The following PLA2G4A variants were observed in gnomAD, a reference collection of about 807,000 sequenced individuals.
PLA2G4A encodes cytosolic phospholipase A2.
Under a neutral mutation model 81.9 loss-of-function variants are expected in PLA2G4A, and 40 were observed. The ratio of observed to expected loss-of-function variants is 0.49; its 90% confidence interval spans 0.38 to 0.64. The LOEUF (loss-of-function observed/expected upper bound fraction) is 0.64, where lower values mean the gene tolerates loss of function less well. PLA2G4A is among the 30% of genes least tolerant of loss of function. The pLI is 0.00. For synonymous variants in PLA2G4A, 302 were observed against 296.9 expected (o/e 1.02, Z -0.18); for missense variants, 715 against 905.1 (o/e 0.79, Z 2.69).
intron 15 of PLA2G4A, among the ~76,000 whole-genome samples, chr1:186,976,153 A>G (rs1253167096): frequency 6.6e-6 from 1 of 152,220 alleles, no homozygotes; most frequent in Non-Finnish European, 1.5e-5. Flanking sequence ...TATAAATCCC[A>G]TAACAACAAA....
At chr1:186,925,897 A>G (rs1467754299) in intron 7 of PLA2G4A, among the ~76,000 whole-genome samples, 2 of 152,160 alleles carry the variant, frequency 1.3e-5, no homozygotes, top group Non-Finnish European at 2.9e-5. Context: ...CTATATTTCA[A>G]CCACCTAGCA....
chr1:186,872,259 AT>A (rs1477399334), intron 3 of PLA2G4A, among the ~76,000 whole-genome samples: 1 of 152,030 alleles, frequency 6.6e-6, no homozygotes, highest in African/African-American at 2.4e-5. Context: ...ACCATTTTAA[AT>A]GAGAATTTAC....
At chr1:186,890,936 T>G (rs1004538818) in intron 3 of PLA2G4A, among the ~76,000 whole-genome samples, 6 of 151,890 alleles carry the variant, frequency 4.0e-5, no homozygotes, top group Admixed American at 6.6e-5. Flanking sequence ...AATAAATACA[T>G]GTTGATTTTT....
intron 17 of PLA2G4A, among the ~76,000 whole-genome samples, chr1:186,987,412 C>T (rs940784136): frequency 6.6e-6 from 1 of 152,206 alleles, no homozygotes; most frequent in Non-Finnish European, 1.5e-5. Context: ...GCTTAACAAT[C>T]CCTGAGGTAG....
intron 1 of PLA2G4A, among the ~76,000 whole-genome samples, chr1:186,848,956 A>T (rs947715606): frequency 2.0e-5 from 3 of 152,144 alleles, no homozygotes; most frequent in Admixed American, 6.6e-5. Context: ...AGGAAATAAA[A>T]TTGCTGACAT....
chr1:186,894,712 A>G (rs1280772427), intron 5 of PLA2G4A, among the ~76,000 whole-genome samples: 1 of 152,218 alleles, frequency 6.6e-6, no homozygotes, highest in African/African-American at 2.4e-5. Context: ...CAAAGCAGTG[A>G]AAGGCCAAAA....
intron 1 of PLA2G4A, among the ~76,000 whole-genome samples, chr1:186,853,404 A>T (rs1652444926): frequency 6.6e-6 from 1 of 151,882 alleles, no homozygotes; most frequent in African/African-American, 2.4e-5. Flanking sequence ...TGTTTGTGAC[A>T]ATGAGCAGGA....
intron 7 of PLA2G4A, among the ~76,000 whole-genome samples, chr1:186,915,996 T>C (rs1376182082): frequency 6.6e-6 from 1 of 152,110 alleles, no homozygotes; most frequent in African/African-American, 2.4e-5. Context: ...TCCATGGCCA[T>C]TGATATCCTG....
At chr1:186,892,119 C>T (rs1654164373) in intron 3 of PLA2G4A, among the ~76,000 whole-genome samples, 1 of 152,080 alleles carries the variant, frequency 6.6e-6, no homozygotes, top group Admixed American at 6.6e-5. Flanking sequence ...AAATCATTTG[C>T]TCATTTTGTT....
intron 1 of PLA2G4A, among the ~76,000 whole-genome samples, chr1:186,845,853 G>T (rs1571328403): frequency 1.3e-5 from 2 of 152,232 alleles, no homozygotes; most frequent in Middle Eastern, 6.8e-3. Flanking sequence ...GGAAGTATCT[G>T]TTGAAAAGTC....
At chr1:186,896,823 G>T (rs1157959943) in intron 5 of PLA2G4A, among the ~76,000 whole-genome samples, 2 of 152,124 alleles carry the variant, frequency 1.3e-5, no homozygotes, top group Non-Finnish European at 2.9e-5. Context: ...TTATCTGAAT[G>T]ATAATCCTTT....
At chr1:186,904,331 C>G (rs760723339) in intron 5 of PLA2G4A, among the ~76,000 whole-genome samples, 23 of 152,066 alleles carry the variant, frequency 1.5e-4, no homozygotes, top group Non-Finnish European at 2.4e-4. Context: ...TTCTAATTGC[C>G]CTAATAATAC....
intron 2 of PLA2G4A, among the ~76,000 whole-genome samples, chr1:186,858,000 C>G (rs1420617472): frequency 6.6e-6 from 1 of 152,126 alleles, no homozygotes; most frequent in Non-Finnish European, 1.5e-5. Flanking sequence ...TCCAGTCTAT[C>G]ATTCATTGGT....
At chr1:186,829,921 C>A (rs1651487553) in intron 1 of PLA2G4A, among the ~76,000 whole-genome samples, 1 of 152,178 alleles carries the variant, frequency 6.6e-6, no homozygotes, top group Admixed American at 6.5e-5. Context: ...GGCGTACTGT[C>A]TGAATGGGTG....
chr1:186,938,955 A>T, intron 8 of PLA2G4A, 53 bp from the exon 9 acceptor site: 1 of 927,604 alleles, frequency 1.1e-6, no homozygotes, highest in Non-Finnish European at 1.8e-6. Context: ...TTCTTTGGAG[A>T]CTGTTGTGTA....
chr1:186,841,938 C>A (rs1651995742), intron 1 of PLA2G4A, among the ~76,000 whole-genome samples: 1 of 151,726 alleles, frequency 6.6e-6, no homozygotes, highest in African/African-American at 2.4e-5. Context: ...TGAGGGGTTG[C>A]GGGGAGCTTT....
At chr1:186,927,928 C>T (rs563227029) in intron 7 of PLA2G4A, among the ~76,000 whole-genome samples, 32 of 152,238 alleles carry the variant, frequency 2.1e-4, no homozygotes, top group African/African-American at 7.2e-4. Context: ...CTGACAATGG[C>T]ACTTTGTGCT....
In PLA2G4A at chr1:186,829,573, G is replaced by C. The variant is rs61812923; in HGVS notation, c.-70+538G>C. Among the ~76,000 whole-genome samples, 979 of 152,096 alleles carry C rather than the reference G, an allele frequency of 6.4e-3. 7 individuals are homozygous for C. Among genetic ancestry groups the C allele is most frequent in the South Asian group, 0.025 (121 of 4,820 alleles). ...AAAGAGGATTATTGAAAAATTAACT[G>C]TAAACGGACTGGTGTTCTGATGATC... is the stretch of plus-strand genomic sequence containing the variant. On this transcript the variant is annotated intron_variant, in intron 1 of 17. Transcript: ENST00000367466.
At chr1:186,928,659 G>A (rs1357842265) in intron 7 of PLA2G4A, among the ~76,000 whole-genome samples, 2 of 152,104 alleles carry the variant, frequency 1.3e-5, no homozygotes, top group Admixed American at 1.3e-4. Context: ...GACTAATATG[G>A]GGGGCCAAGG....
Sources: allele counts gnomAD v4.1 joint callset (sites outside exome capture counted in the v4.1 genomes callset), GRCh38; gene constraint gnomAD v4.1.1; transcripts MANE v1.5; gene names NCBI Gene and HGNC (gene_info 2026-07-23, HGNC 2026-07-21).